MME: variants seen among roughly 807,000 people sequenced by gnomAD.
MME encodes the protein membrane metalloendopeptidase.
In MME, 98 loss-of-function variants were observed where a neutral mutation model predicts 113.2. The ratio of observed to expected loss-of-function variants is 0.87; its 90% CI spans 0.74 to 1.02. The LOEUF (loss-of-function observed/expected upper bound fraction) is 1.02. MME is among the 50% of genes least tolerant of loss of function. The pLI, the probability that MME is intolerant of heterozygous loss-of-function variation, is 0.00. For synonymous variants in MME, 292 were observed against 300.6 expected, an observed-to-expected ratio of 0.97 and a Z score of 0.30; for missense variants, 836 against 896.0, an observed-to-expected ratio of 0.93 and a Z score of 0.86.
intron 22 of MME, among the ~76,000 whole-genome samples, chr3:155,177,899 C>T (rs1712710426): frequency 6.6e-6 from 1 of 152,118 alleles, no homozygotes; most frequent in African/African-American, 2.4e-5. Flanking sequence ...ACCGTGGTCA[C>T]TGCTGAGATC....
chr3:155,060,323 T>G (rs1714090408), intron 1 of MME, among the ~76,000 whole-genome samples: 1 of 152,216 alleles, frequency 6.6e-6, no homozygotes, highest in South Asian at 2.1e-4. Flanking sequence ...ATGCTTATGG[T>G]TAAGATGGTT....
chr3:155,033,740 G>A (rs973300676), intron 1 of MME, among the ~76,000 whole-genome samples: 2 of 151,994 alleles, frequency 1.3e-5, no homozygotes, highest in Non-Finnish European at 2.9e-5. Context: ...GCAATTGAGG[G>A]CATGTCAAAA....
Position 155,168,593 on chromosome 3 carries a change from A to G in MME, c.1882A>G (p.Asn628Asp). Residue 628 changes from asparagine to aspartate, a missense_variant, in exon 19 of 23, where the codon AAC becomes GAC. Physicochemically the swap from Asn to Asp is conservative, Grantham distance 23. Coordinates refer to ENST00000360490, the MANE Select transcript of MME (RefSeq NM_007289.4). Reference sequence around the variant, plus strand: ...CCAGTGCATGGTGTATCAGTATGGAAACTTTTCCTGGGACCTGGCAGGTGG... The same window carrying G: ...CCAGTGCATGGTGTATCAGTATGGAGACTTTTCCTGGGACCTGGCAGGTGG... ...QSQCMVYQYG[N>D]FSWDLAGGQH... The G allele has an allele frequency of 6.2e-7, 1 of 1,613,856 alleles. No homozygotes were observed. The highest frequency in any genetic ancestry group is 8.5e-7 in the Non-Finnish European group (1 of 1,179,858).
At chr3:155,079,300 A>C (rs1714903817), upstream of MME, among the ~76,000 whole-genome samples, 1 of 152,094 alleles carries the variant, frequency 6.6e-6, no homozygotes, top group African/African-American at 2.4e-5. Context: ...AGAGCGAAAG[A>C]AGAGCGTGAG....
chr3:155,170,413 A>G lies in MME; in HGVS notation c.1980+1616A>G, dbSNP rs147616639. On this transcript the variant is annotated intron_variant, in intron 20 of 22. Transcript: ENST00000360490. ...ATATTCTTGAGCTTTATTCTAGGAT[A>G]CAGTTAAATTCCTTGAAAATGGTTT... Among the ~76,000 whole-genome samples the G allele has an allele frequency of 7.2e-5, 11 of 152,292 alleles. No individual in the cohort carries two copies. In the East Asian group the frequency reaches 2.1e-3, roughly 29 times the overall value.
upstream of MME, among the ~76,000 whole-genome samples, chr3:155,078,855 C>A (rs1392635871): frequency 6.6e-6 from 1 of 152,070 alleles, no homozygotes; most frequent in Non-Finnish European, 1.5e-5. Flanking sequence ...GTATTTATTT[C>A]CTTGTTTGTA....
In MME at chr3:155,173,389, A is replaced by C. The variant is rs531003631; in HGVS notation, c.2153+777A>C. ...AGTTGGAAAATGAAATTTGAGAACA[A>C]AAGAGAACTAATGGGCTAAATTTCA... On this transcript the variant is annotated intron_variant, in intron 22 of 22. Transcript: ENST00000360490. Among the ~76,000 whole-genome samples the C allele has an allele frequency of 2.2e-4, 34 of 152,224 alleles. 1 individual carries two copies. Among genetic ancestry groups the C allele is most frequent in the African/African-American group, 7.5e-4 (31 of 41,560 alleles).
At chr3:155,061,553 C>T (rs181997977) in intron 1 of MME, among the ~76,000 whole-genome samples, 118 of 151,068 alleles carry the variant, frequency 7.8e-4, no homozygotes, top group Non-Finnish European at 1.3e-3. Flanking sequence ...AACCACATTA[C>T]AAACCTGTAT....
chr3:155,118,084 C>T (rs951732129), intron 7 of MME, among the ~76,000 whole-genome samples: 4 of 152,114 alleles, frequency 2.6e-5, no homozygotes, highest in African/African-American at 9.7e-5. Flanking sequence ...TCTTTCACAC[C>T]CTTAACTGCT....
At chr3:155,126,352 A>C (rs899617310) in intron 8 of MME, among the ~76,000 whole-genome samples, 2 of 151,990 alleles carry the variant, frequency 1.3e-5, no homozygotes, top group African/African-American at 4.8e-5. Flanking sequence ...TTTACATTTT[A>C]ATTCTGATAT....
At chr3:155,164,334 G>T (rs1329168608) in intron 17 of MME, among the ~76,000 whole-genome samples, 1 of 152,018 alleles carries the variant, frequency 6.6e-6, no homozygotes, top group Non-Finnish European at 1.5e-5. Flanking sequence ...ATGGCCCAAT[G>T]ACTTATTTAA....
intron 16 of MME, among the ~76,000 whole-genome samples, chr3:155,155,212 C>T (rs1331871233): frequency 6.6e-6 from 1 of 151,624 alleles, no homozygotes; most frequent in Non-Finnish European, 1.5e-5. Context: ...AAAAGGAAGC[C>T]GAATAATTTA....
intron 1 of MME, among the ~76,000 whole-genome samples, chr3:155,054,664 G>T (rs1386317424): frequency 6.6e-6 from 1 of 152,104 alleles, no homozygotes; most frequent in African/African-American, 2.4e-5. Context: ...AAAAAATACA[G>T]AAATTAGTTG....
intron 4 of MME, among the ~76,000 whole-genome samples, chr3:155,115,860 C>T (rs1367404458): frequency 6.6e-6 from 1 of 152,226 alleles, no homozygotes; most frequent in Non-Finnish European, 1.5e-5. Flanking sequence ...GCCTTCCCAG[C>T]ACAGGTATAT....
At chr3:155,114,571 C>T (rs529865896) in intron 3 of MME, among the ~76,000 whole-genome samples, 5 of 152,190 alleles carry the variant, frequency 3.3e-5, no homozygotes, top group Non-Finnish European at 7.3e-5. Flanking sequence ...CTTGGAGTCT[C>T]AGAGACTTTC....
At chr3:155,070,552 A>G (rs1443990575) in intron 1 of MME, among the ~76,000 whole-genome samples, 1 of 152,208 alleles carries the variant, frequency 6.6e-6, no homozygotes, top group Non-Finnish European at 1.5e-5. Flanking sequence ...GGGGTTCAAG[A>G]TAAGCTTTAT....
chr3:155,076,399 G>A (rs1032553619), upstream of MME, among the ~76,000 whole-genome samples: 2 of 152,202 alleles, frequency 1.3e-5, no homozygotes, highest in African/African-American at 4.8e-5. Flanking sequence ...TGCAAGTCCT[G>A]TTAAAGTGAA....
At chr3:155,026,621 G>A (rs963650819) in intron 1 of MME, among the ~76,000 whole-genome samples, 1 of 152,132 alleles carries the variant, frequency 6.6e-6, no homozygotes. Flanking sequence ...CTACTTGGGA[G>A]CCTGAGGCAT....
chr3:155,142,222 GT>G lies in MME; in HGVS notation c.1095-7del, dbSNP rs1197782533. ...TCATCTTTTCTGTTGCTGGGCGGTG[GT>G]TTTTTTTATACAGAGATCTTCAAAA... On this transcript the variant is annotated splice_polypyrimidine_tract_variant and intron_variant, in intron 11 of 22. Coordinates refer to ENST00000360490, the MANE Select transcript of MME (RefSeq NM_007289.4). The G allele has an allele frequency of 6.2e-5, 100 of 1,611,992 alleles. No individual in the cohort carries two copies. Among genetic ancestry groups the G allele is most frequent in the Non-Finnish European group, 7.8e-5 (92 of 1,178,574 alleles).
Sources: allele counts gnomAD v4.1 joint callset (sites outside exome capture counted in the v4.1 genomes callset), GRCh38; gene constraint gnomAD v4.1.1; transcripts MANE v1.5; gene names NCBI Gene and HGNC (gene_info 2026-07-23, HGNC 2026-07-21).